The following RFTN1 variants were observed in gnomAD, a reference collection of about 807,000 sequenced individuals.
RFTN1 encodes raftlin, lipid raft linker 1, also known as raftlin.
A neutral mutation model predicts 46.5 loss-of-function variants in RFTN1; 26 were observed. The ratio of observed to expected loss-of-function variants is 0.56; its 90% CI spans 0.41 to 0.78. The LOEUF (loss-of-function observed/expected upper bound fraction) is 0.78, where lower values mean the gene tolerates loss of function less well. Among genes scored for constraint, RFTN1 ranks in the 30% least tolerant of loss-of-function variants. The pLI is 0.00. For missense variants in RFTN1, 693 were observed against 718.7 expected, an observed-to-expected ratio of 0.96 and a Z score of 0.41; for synonymous variants, 261 against 284.2, an observed-to-expected ratio of 0.92 and a Z score of 0.82.
Position 16,402,447 on chromosome 3 carries a change from C to CT in RFTN1, c.441+6927dup, listed in dbSNP as rs2074628875. On this transcript the variant is annotated intron_variant, in intron 4 of 9. Coordinates refer to ENST00000334133, the MANE Select transcript of RFTN1 (RefSeq NM_015150.2). This position sits in a 1 kb window ranked among gnomAD's most constrained non-coding sequence, Gnocchi z 4.5. ...CAACAACCCCCCTCCCCAGGTTCAT[C>CT]TTTTTTAAATGTCACTATTCTCTTG... Among the ~76,000 whole-genome samples, 1 of 152,110 alleles carries CT rather than the reference C, an allele frequency of 6.6e-6. No individual in the cohort carries two copies. The highest frequency in any genetic ancestry group is 2.1e-4 in the South Asian group (1 of 4,822).
chr3:16,375,712 C>G (rs182520444), intron 5 of RFTN1, among the ~76,000 whole-genome samples: 36 of 152,264 alleles, frequency 2.4e-4, no homozygotes, highest in Admixed American at 2.2e-3. Flanking sequence ...AGACTGGGCT[C>G]GAAGGAGGCT....
At chr3:16,362,468 A>G (rs2072895943) in intron 6 of RFTN1, among the ~76,000 whole-genome samples, 1 of 152,140 alleles carries the variant, frequency 6.6e-6, no homozygotes. Flanking sequence ...AGTCCAGCTT[A>G]CTTTTTAAGT....
chr3:16,354,116 C>G (rs2072271659), intron 7 of RFTN1, among the ~76,000 whole-genome samples: 1 of 152,180 alleles, frequency 6.6e-6, no homozygotes, highest in African/African-American at 2.4e-5. Flanking sequence ...TACTGGAGTG[C>G]CTTGGAGAAC....
At chr3:16,454,661 A>C (rs1575317268) in intron 2 of RFTN1, 1 of 606,918 alleles carries the variant, frequency 1.6e-6, no homozygotes. Context: ...TCTCCTCCTC[A>C]TTCCCTAACT....
In RFTN1 at chr3:16,443,693, T is replaced by A. The variant is rs542948467; in HGVS notation, c.146-9656A>T. Among the ~76,000 whole-genome samples the A allele has an allele frequency of 4.0e-5, 6 of 151,858 alleles. No individual in the cohort carries two copies. Among genetic ancestry groups the A allele is most frequent in the Non-Finnish European group, 7.4e-5 (5 of 67,982 alleles). The stretch of plus-strand genomic sequence containing the variant: ...ACAATGGGAGCGGGGAAGAGTTAAG[T>A]TGTTATTGGTTTGCTCGTCATTTCA... On this transcript the variant is annotated intron_variant, in intron 2 of 9. Coordinates refer to ENST00000334133, the MANE Select transcript of RFTN1 (RefSeq NM_015150.2). This position sits in a 1 kb window ranked among gnomAD's most constrained non-coding sequence, Gnocchi z 5.5.
chr3:16,480,618 G>C lies in RFTN1; in HGVS notation c.145+13107C>G, dbSNP rs927340421. The stretch of plus-strand genomic sequence containing the variant: ...TCACCTACCTTTTCACACCAGATTT[G>C]CTTTTGAAAATATTTCGTAGATAAA... On this transcript the variant is annotated intron_variant, in intron 2 of 9. Coordinates refer to ENST00000334133, the MANE Select transcript of RFTN1 (RefSeq NM_015150.2). The surrounding 1 kb of genome is among the most constrained non-coding windows in gnomAD (Gnocchi z 4.3). 9.2e-5 allele frequency among the ~76,000 whole-genome samples: 14 copies of C among 152,104 alleles called. No individual in the cohort carries two copies. The highest frequency in any genetic ancestry group is 3.4e-4 in the African/African-American group (14 of 41,406).
In RFTN1 at chr3:16,451,424, G is replaced by A. The variant is rs573722236; in HGVS notation, c.146-17387C>T. Among the ~76,000 whole-genome samples, 17 of 152,334 alleles carry A rather than the reference G, an allele frequency of 1.1e-4. No individual in the cohort carries two copies. The highest frequency in any genetic ancestry group is 2.6e-4 in the Admixed American group (4 of 15,302). On this transcript the variant is annotated intron_variant, in intron 2 of 9. Coordinates refer to ENST00000334133, the MANE Select transcript of RFTN1 (RefSeq NM_015150.2). The surrounding 1 kb of genome is among the most constrained non-coding windows in gnomAD (Gnocchi z 4.2). ...GACTTTCTGCTTCATTAGCTGGCTT[G>A]TAGGCTAACCAACAGCTGGCTAGGT...
chr3:16,455,226 T>C (rs765409536), intron 2 of RFTN1, among the ~76,000 whole-genome samples: 10 of 152,204 alleles, frequency 6.6e-5, no homozygotes, highest in Non-Finnish European at 1.3e-4. Flanking sequence ...GTGAGGAGCA[T>C]TTGCTCTGTG....
rs2075792101 is a variant in RFTN1, at chr3:16,449,666, A to G, written c.146-15629T>C. ...TCGGAACCACTCCAGCTCTGCATCA[A>G]TATTCTTCAGCTTTCACAACTGACT... On this transcript the variant is annotated intron_variant, in intron 2 of 9. Transcript: ENST00000334133. This position sits in a 1 kb window ranked among gnomAD's most constrained non-coding sequence, Gnocchi z 5.1. 6.6e-6 allele frequency among the ~76,000 whole-genome samples: 1 copy of G among 152,202 alleles called. No individual in the cohort carries two copies. Among genetic ancestry groups the G allele is most frequent in the Non-Finnish European group, 1.5e-5 (1 of 68,032 alleles).
intron 4 of RFTN1, among the ~76,000 whole-genome samples, chr3:16,392,681 A>C (rs1350730389): frequency 2.7e-5 from 1 of 37,450 alleles, no homozygotes; most frequent in Non-Finnish European, 4.6e-5. Flanking sequence ...ACACACACAC[A>C]TATATATATA....
At position 16,499,375 on chromosome 3, in the gene RFTN1, C is replaced by T. The variant is rs2076673801; in HGVS notation, c.-8-5498G>A. ...TAAGAAACTTGAGAGCATTTACTCC[C>T]TGACTTTTGGGGTGCCTGCTCGTGG... On this transcript the variant is annotated intron_variant, in intron 1 of 9. Transcript: ENST00000334133. This position sits in a 1 kb window ranked among gnomAD's most constrained non-coding sequence, Gnocchi z 4.9. Among the ~76,000 whole-genome samples the T allele has an allele frequency of 6.6e-6, 1 of 152,176 alleles. No homozygotes were observed. Among genetic ancestry groups the T allele is most frequent in the African/African-American group, 2.4e-5 (1 of 41,442 alleles).
intron 2 of RFTN1, among the ~76,000 whole-genome samples, chr3:16,486,081 C>T (rs1036246619): frequency 1.3e-5 from 2 of 152,176 alleles, no homozygotes; most frequent in Non-Finnish European, 1.5e-5. Context: ...AGGTGCCCAG[C>T]ACACCCACCT....
chr3:16,350,060 A>G, intron 7 of RFTN1: 1 of 152,240 alleles, frequency 6.6e-6, no homozygotes, highest in Admixed American at 6.5e-5. Context: ...CTTTCATAGC[A>G]ACATCTAGAT....
In RFTN1 at chr3:16,489,053, T is replaced by C. The variant is rs1462639347; in HGVS notation, c.145+4672A>G. Among the ~76,000 whole-genome samples the C allele has an allele frequency of 6.6e-6, 1 of 152,168 alleles. No individual in the cohort carries two copies. The highest frequency in any genetic ancestry group is 1.5e-5 in the Non-Finnish European group (1 of 68,036). ...ATCTTAAATGAGTAAGTTGAGTGAA[T>C]GAGAAGAGCTAGGTTTTGAAAAAGA... is the stretch of plus-strand genomic sequence containing the variant. On this transcript the variant is annotated intron_variant, in intron 2 of 9. Transcript: ENST00000334133. This position sits in a 1 kb window ranked among gnomAD's most constrained non-coding sequence, Gnocchi z 4.0.
rs970579812 is a variant in RFTN1, at chr3:16,341,869, G to A, written c.1147-14993C>T. On this transcript the variant is annotated intron_variant, in intron 7 of 9. Coordinates refer to ENST00000334133, the MANE Select transcript of RFTN1 (RefSeq NM_015150.2). This position sits in a 1 kb window ranked among gnomAD's most constrained non-coding sequence, Gnocchi z 4.7. The stretch of plus-strand genomic sequence containing the variant: ...GTTTGAAGAGTATGATACCATTTTT[G>A]TAAAAAATATGCAAATATAGATAGA... 6.6e-6 allele frequency among the ~76,000 whole-genome samples: 1 copy of A among 152,086 alleles called. No homozygotes were observed.
chr3:16,317,876 A>G lies in RFTN1; in HGVS notation c.1333-644T>C, dbSNP rs931619534. Among the ~76,000 whole-genome samples the G allele has an allele frequency of 3.9e-5, 6 of 152,184 alleles. No homozygotes were observed. Among genetic ancestry groups the G allele is most frequent in the Non-Finnish European group, 8.8e-5 (6 of 68,024 alleles). On this transcript the variant is annotated intron_variant, in intron 9 of 9. Coordinates refer to ENST00000334133, the MANE Select transcript of RFTN1 (RefSeq NM_015150.2). This position sits in a 1 kb window ranked among gnomAD's most constrained non-coding sequence, Gnocchi z 4.3. ...TACAACAACCCATTTCCTGATCCCAATTTGGGATAACGCAAATGCCATCCC... is the reference window on the plus strand; with the variant it reads ...TACAACAACCCATTTCCTGATCCCAGTTTGGGATAACGCAAATGCCATCCC...
At chr3:16,445,719 A>T (rs2075718232) in intron 2 of RFTN1, among the ~76,000 whole-genome samples, 2 of 152,260 alleles carry the variant, frequency 1.3e-5, no homozygotes, top group African/African-American at 4.8e-5. Context: ...CTTTGGATAT[A>T]TTAAGATTAA....
chr3:16,387,570 T>C lies in RFTN1; in HGVS notation c.442-9468A>G, dbSNP rs1329056308. On this transcript the variant is annotated intron_variant, in intron 4 of 9. Coordinates refer to ENST00000334133, the MANE Select transcript of RFTN1 (RefSeq NM_015150.2). This position sits in a 1 kb window ranked among gnomAD's most constrained non-coding sequence, Gnocchi z 5.2. ...CACTTCTCTCTTCTATATCCTCAAT[T>C]TCTCTCTCTCTCTCTCTCTCTCTCT... 6.9e-5 allele frequency among the ~76,000 whole-genome samples: 8 copies of C among 116,502 alleles called. No homozygotes were observed. The highest frequency in any genetic ancestry group is 1.2e-4 in the African/African-American group (3 of 25,616). 76.4% of individuals were successfully genotyped at this position (116,502 alleles called of 152,430 possible). A position where few individuals can be genotyped will look rare whatever the true frequency, so the allele number is the denominator to read the frequency against.
chr3:16,352,184 A>G lies in RFTN1; in HGVS notation c.1146+5748T>C, dbSNP rs1278623189. 6.6e-6 allele frequency among the ~76,000 whole-genome samples: 1 copy of G among 152,126 alleles called. No homozygotes were observed. Among genetic ancestry groups the G allele is most frequent in the South Asian group, 2.1e-4 (1 of 4,824 alleles). On this transcript the variant is annotated intron_variant, in intron 7 of 9. Coordinates refer to ENST00000334133, the MANE Select transcript of RFTN1 (RefSeq NM_015150.2). This position sits in a 1 kb window ranked among gnomAD's most constrained non-coding sequence, Gnocchi z 4.6. ...TGCATCAGCTGTAAGTGCTTTTTCT[A>G]CTCTCTTATGTTCCATTCTGGCACC... is the stretch of plus-strand genomic sequence containing the variant.
Sources: allele counts gnomAD v4.1 joint callset (sites outside exome capture counted in the v4.1 genomes callset), GRCh38; gene constraint gnomAD v4.1.1; non-coding constraint Gnocchi (gnomAD v3.1); transcripts MANE v1.5; gene names NCBI Gene and HGNC (gene_info 2026-07-23, HGNC 2026-07-21).